FIP1L1: variants seen among roughly 807,000 people sequenced by gnomAD.
FIP1L1 encodes pre-mRNA 3'-end-processing factor FIP1.
Under a neutral mutation model 84.6 loss-of-function variants are expected in FIP1L1, and 21 were observed. The observed-to-expected ratio is 0.25, with a 90% CI of 0.18 to 0.36. FIP1L1 has a LOEUF of 0.36. Ranked by LOEUF, FIP1L1 falls within the 10% of genes least tolerant of loss-of-function variation. The pLI is 1.00. For synonymous variants in FIP1L1, 263 were observed against 242.3 expected (o/e 1.09, Z -0.80); for missense variants, 526 against 751.1 (o/e 0.70, Z 3.50).
chr4:53,386,672 A>T (rs1313998451), intron 5 of FIP1L1, among the ~76,000 whole-genome samples: 3 of 152,190 alleles, frequency 2.0e-5, no homozygotes, highest in Non-Finnish European at 4.4e-5. Context: ...AATATATTAG[A>T]TGCGTGCCTT....
chr4:53,407,439 C>G (rs1267542462), intron 10 of FIP1L1, among the ~76,000 whole-genome samples: 2 of 151,998 alleles, frequency 1.3e-5, no homozygotes, highest in African/African-American at 2.4e-5. Flanking sequence ...TCTATGTGGT[C>G]AGTTTTGGAA....
chr4:53,382,062 C>T (rs548395406), intron 3 of FIP1L1, among the ~76,000 whole-genome samples: 1 of 152,058 alleles, frequency 6.6e-6, no homozygotes, highest in East Asian at 1.9e-4. Flanking sequence ...AGCCTCCACG[C>T]CCAGCCTGGC....
At chr4:53,411,423 G>T (rs1314523833) in intron 10 of FIP1L1, among the ~76,000 whole-genome samples, 7 of 152,116 alleles carry the variant, frequency 4.6e-5, no homozygotes, top group Non-Finnish European at 8.8e-5. Context: ...TTGTTTTCTG[G>T]ATTCCATTTG....
chr4:53,437,176 A>C (rs1769640617), intron 13 of FIP1L1, among the ~76,000 whole-genome samples: 1 of 151,834 alleles, frequency 6.6e-6, no homozygotes, highest in Admixed American at 6.6e-5. Flanking sequence ...AAAATGCAAA[A>C]AATTAGCTGA....
chr4:53,417,088 A>T (rs893132601), intron 11 of FIP1L1, among the ~76,000 whole-genome samples: 9 of 152,148 alleles, frequency 5.9e-5, no homozygotes, highest in African/African-American at 1.9e-4. Context: ...TTTTATTTAA[A>T]ATTGTTTTAC....
chr4:53,430,933 A>G (rs1578851751), intron 13 of FIP1L1, among the ~76,000 whole-genome samples: 1 of 152,228 alleles, frequency 6.6e-6, no homozygotes, highest in Non-Finnish European at 1.5e-5. Context: ...GCAGGATACC[A>G]GTTCATTAAA....
chr4:53,399,434 A>G (rs1314369244), intron 9 of FIP1L1, among the ~76,000 whole-genome samples: 1 of 152,200 alleles, frequency 6.6e-6, no homozygotes, highest in East Asian at 1.9e-4. Context: ...TCTGGGACCT[A>G]TTTGTAGTGA....
intron 5 of FIP1L1, among the ~76,000 whole-genome samples, chr4:53,387,404 G>A (rs1741671521): frequency 6.6e-6 from 1 of 152,240 alleles, no homozygotes; most frequent in Non-Finnish European, 1.5e-5. Context: ...ATTGGGTACA[G>A]GTGGGTGCTA....
rs535660423 is a variant in FIP1L1 at position 53,451,308 on chromosome 4, T to A, written c.1286-1612T>A. 2.6e-4 allele frequency among the ~76,000 whole-genome samples: 40 copies of A among 151,748 alleles called. 1 individual carries two copies. The South Asian group carries it at 8.1e-3, about 31-fold the overall frequency. ...ATTTTCGATCGGGGGTTGTTTTTTT[T>A]TTTTCCTCATCTTTTTTCTTTCAAC... On this transcript the variant is annotated intron_variant, in intron 15 of 17. Transcript: ENST00000337488.
Position 53,417,642 on chromosome 4 carries a change from C to CAAAAA in FIP1L1, c.923+2940_923+2944dup, listed in dbSNP as rs57635694. 2.0e-3 allele frequency among the ~76,000 whole-genome samples: 92 copies of CAAAAA among 46,258 alleles called. 1 individual carries two copies. Among genetic ancestry groups the CAAAAA allele is most frequent in the Middle Eastern group, 0.023 (1 of 44 alleles). 30.3% of individuals were successfully genotyped at this position (46,258 alleles called of 152,430 possible). A position where few individuals can be genotyped will look rare whatever the true frequency, so the allele number is the denominator to read the frequency against. On this transcript the variant is annotated intron_variant, in intron 11 of 17. Coordinates refer to ENST00000337488, the MANE Select transcript of FIP1L1 (RefSeq NM_030917.4). ...AGGCAACAACAGCAAAACTCCTTCT[C>CAAAAA]AAAAAAAAAAAAAAAAAAAAAAAAG...
chr4:53,454,718 G>A (rs902425274), intron 16 of FIP1L1, among the ~76,000 whole-genome samples: 8 of 151,998 alleles, frequency 5.3e-5, no homozygotes, highest in Non-Finnish European at 8.8e-5. Context: ...GTGGTAAATG[G>A]GCACCAACTT....
At chr4:53,392,081 A>G (rs1361491072) in intron 9 of FIP1L1, among the ~76,000 whole-genome samples, 3 of 152,246 alleles carry the variant, frequency 2.0e-5, no homozygotes, top group East Asian at 1.9e-4. Flanking sequence ...TGATACTACA[A>G]CTTGTATAAC....
intron 3 of FIP1L1, among the ~76,000 whole-genome samples, chr4:53,381,753 C>CTTTGTTTTTTTTT (rs1738047701): frequency 1.1e-5 from 1 of 87,948 alleles, no homozygotes; most frequent in Non-Finnish European, 2.0e-5. Flanking sequence ...CATTTGCATT[C>CTTTGTTTTTTTTT]TTTTTTTTTT....
At chr4:53,458,853 C>A in intron 17 of FIP1L1, 63 bp downstream of exon 17, 3 of 1,544,424 alleles carry the variant, frequency 1.9e-6, no homozygotes, top group South Asian at 1.3e-5. Context: ...ACTACATTGT[C>A]GCATTGGAAG....
At position 53,382,325 on chromosome 4, in the gene FIP1L1, T is replaced by C; in HGVS notation, c.218T>C (p.Val73Ala). ...GIEDETAENG[V>A]PKPKVTETED... ...GAAGATGAAACTGCTGAAAATGGTG[T>C]ACCAAAACCGGTAACATAAGGCTTT... The change falls in exon 4 of 18, where the codon GTA becomes GCA. Residue 73 changes from valine to alanine, a missense_variant. Val to Ala is a moderately conservative substitution (Grantham distance 64). Transcript: ENST00000337488. 1 of 1,613,214 alleles carries C rather than the reference T, an allele frequency of 6.2e-7. No individual in the cohort carries two copies. Among genetic ancestry groups the C allele is most frequent in the Non-Finnish European group, 8.5e-7 (1 of 1,179,208 alleles).
intron 12 of FIP1L1, among the ~76,000 whole-genome samples, chr4:53,426,558 A>G (rs1418210950): frequency 6.6e-6 from 1 of 152,130 alleles, no homozygotes; most frequent in Non-Finnish European, 1.5e-5. Context: ...CTCAACTTGT[A>G]TATAGGTTTA....
At chr4:53,451,821 A>G (rs1716169645) in intron 15 of FIP1L1, among the ~76,000 whole-genome samples, 1 of 150,772 alleles carries the variant, frequency 6.6e-6, no homozygotes, top group African/African-American at 2.4e-5. Flanking sequence ...TTGTTCAACC[A>G]TTACTTCTTT....
chr4:53,447,368 T>C (rs1425755687), intron 15 of FIP1L1, among the ~76,000 whole-genome samples: 1 of 152,160 alleles, frequency 6.6e-6, no homozygotes. Flanking sequence ...ATCTGTTTCA[T>C]GTACCATTCT....
chr4:53,414,827 C>G (rs553342255), intron 11 of FIP1L1, 105 bp downstream of exon 11: 1 of 729,456 alleles, frequency 1.4e-6, no homozygotes, highest in African/African-American at 1.8e-5. Flanking sequence ...TATTTTTACC[C>G]TCCAACTTAT....
Sources: allele counts gnomAD v4.1 joint callset (sites outside exome capture counted in the v4.1 genomes callset), GRCh38; gene constraint gnomAD v4.1.1; transcripts MANE v1.5; gene names NCBI Gene and HGNC (gene_info 2026-07-23, HGNC 2026-07-21).